Variants in UGGT1 observed in about 807,000 individuals in gnomAD.
The protein encoded by UGGT1 is UDP-glucose glycoprotein glucosyltransferase 1.
Under a neutral mutation model 203.9 loss-of-function variants are expected in UGGT1, and 107 were observed. The ratio of observed to expected loss-of-function variants is 0.52; its 90% CI spans 0.45 to 0.62. UGGT1 has a LOEUF of 0.62. UGGT1 is among the 20% of genes least tolerant of loss of function. UGGT1 has a pLI of 0.00. For synonymous variants in UGGT1, 628 were observed against 653.5 expected (o/e 0.96, Z 0.59); for missense variants, 1,673 against 1,867.2 (o/e 0.90, Z 1.92).
At chr2:128,128,803 TAAGA>T (rs1324758411) in intron 12 of UGGT1, among the ~76,000 whole-genome samples, 2 of 152,240 alleles carry the variant, frequency 1.3e-5, no homozygotes, top group African/African-American at 4.8e-5. Flanking sequence ...TATGCAGTTA[TAAGA>T]AAGAATACAG....
chr2:128,105,576 G>A (rs570640747), intron 3 of UGGT1, among the ~76,000 whole-genome samples: 16 of 151,882 alleles, frequency 1.1e-4, no homozygotes, highest in Non-Finnish European at 7.4e-5. Flanking sequence ...GTGCAGTGGC[G>A]CGATCTCGAC....
At chr2:128,129,279 T>C (rs1332157571) in intron 13 of UGGT1, 100 bp downstream of exon 13, 16 of 1,357,480 alleles carry the variant, frequency 1.2e-5, no homozygotes, top group South Asian at 1.5e-5. Flanking sequence ...TCCCACCATC[T>C]CTTTTGTTGG....
In UGGT1 at chr2:128,173,905, C is replaced by T. The variant is rs764168373; in HGVS notation, c.3419C>T (p.Pro1140Leu). 9.9e-6 allele frequency: 16 copies of T among 1,614,120 alleles called. No individual in the cohort carries two copies. Among genetic ancestry groups the T allele is most frequent in the Non-Finnish European group, 1.2e-5 (14 of 1,180,014 alleles). ...LQFTLGTSAN[P>L]VIVDTIVMAN... is the part of the protein sequence containing the mutation. ...TTTACCTTAGGAACTTCAGCCAACCCGGTCATTGTGGACACCATTGTTATG... is the reference window on the plus strand; with the variant it reads ...TTTACCTTAGGAACTTCAGCCAACCTGGTCATTGTGGACACCATTGTTATG... The change falls in exon 30 of 41, where the codon CCG becomes CTG. Residue 1140 changes from proline (P) to leucine (L), a missense_variant. Pro to Leu is a moderately conservative substitution (Grantham distance 98). This residue lies in a region of UGGT1 where 513 missense variants were observed against 684.1 expected (regional missense o/e 0.75). Coordinates refer to ENST00000259253, the MANE Select transcript of UGGT1 (RefSeq NM_020120.4).
chr2:128,157,174 A>C (rs75728899), intron 21 of UGGT1, 78 bp from the exon 22 acceptor site: 58 of 1,013,208 alleles, frequency 5.7e-5, no homozygotes, highest in Non-Finnish European at 8.3e-5. Context: ...TTATTTGGTC[A>C]ATTTCATTTT....
At chr2:128,179,259 T>C (rs1691562785) in intron 34 of UGGT1, among the ~76,000 whole-genome samples, 3 of 152,214 alleles carry the variant, frequency 2.0e-5, no homozygotes, top group Admixed American at 2.0e-4. Flanking sequence ...GTGACAATAA[T>C]AACAACCGAA....
At chr2:128,107,114 A>C (rs1687643262) in intron 3 of UGGT1, among the ~76,000 whole-genome samples, 1 of 152,100 alleles carries the variant, frequency 6.6e-6, no homozygotes, top group South Asian at 2.1e-4. Flanking sequence ...CCTGCTTTTT[A>C]TAACATTTTA....
chr2:128,117,585 C>T (rs1445018748), intron 8 of UGGT1, among the ~76,000 whole-genome samples: 1 of 140,878 alleles, frequency 7.1e-6, no homozygotes, highest in African/African-American at 2.6e-5. Flanking sequence ...GCTCTGTTGC[C>T]TAGGCTGGAG....
chr2:128,111,415 G>A (rs1490281688), intron 5 of UGGT1, among the ~76,000 whole-genome samples: 1 of 152,202 alleles, frequency 6.6e-6, no homozygotes, highest in African/African-American at 2.4e-5. Context: ...AAATAGTAGA[G>A]GAGATAGACT....
Position 128,189,740 on chromosome 2 carries a change from T to C in UGGT1, c.4666T>C (p.Ter1556ArgextTer20), listed in dbSNP as rs1692162962. 1.9e-6 allele frequency: 3 copies of C among 1,613,008 alleles called. No individual in the cohort carries two copies. Among genetic ancestry groups the C allele is most frequent in the South Asian group, 1.1e-5 (1 of 90,838 alleles). The change falls in exon 41 of 41, where the codon TGA (stop) becomes CGA (arginine). Residue 1556 changes from the stop codon to arginine (R), a stop_lost. Coordinates refer to ENST00000259253, the MANE Select transcript of UGGT1 (RefSeq NM_020120.4). ...REGPQKREEL* is the reference protein window; with the variant it reads ...REGPQKREELR ...AGGTCCTCAGAAACGTGAAGAATTA[T>C]GATCTCTGGAGAAGGACAGGAAATC...
intron 1 of UGGT1, among the ~76,000 whole-genome samples, chr2:128,092,150 T>G (rs1031787413): frequency 1.3e-5 from 2 of 152,122 alleles, no homozygotes; most frequent in Non-Finnish European, 2.9e-5. Flanking sequence ...CCTTCAAGAA[T>G]CTTACACTTG....
chr2:128,152,836 ATGT>A lies in UGGT1; in HGVS notation c.2074_2076del (p.Val692del). The A allele has an allele frequency of 2.5e-6, 4 of 1,613,830 alleles. No homozygotes were observed. The highest frequency in any genetic ancestry group is 3.4e-6 in the Non-Finnish European group (4 of 1,179,922). On this transcript the variant is annotated inframe_deletion, in exon 19 of 41. Coordinates refer to ENST00000259253, the MANE Select transcript of UGGT1 (RefSeq NM_020120.4). ...GTAGAGTATATCATGAATCAGCCAA[ATGT>A]TGTTCCACGAATCAATTCTAGGATT...
intron 4 of UGGT1, among the ~76,000 whole-genome samples, chr2:128,108,346 G>C (rs757881058): frequency 5.9e-5 from 9 of 152,142 alleles, no homozygotes; most frequent in Non-Finnish European, 1.0e-4. Context: ...AAACCAATGA[G>C]CCAGCATCTA....
rs1692181773 is a variant in UGGT1, at chr2:128,190,083, C to G, written c.*341C>G. 4.7e-6 allele frequency: 1 copy of G among 211,424 alleles called. No individual in the cohort carries two copies. The highest frequency in any genetic ancestry group is 9.6e-6 in the Non-Finnish European group (1 of 104,230). 13.1% of individuals were successfully genotyped at this position (211,424 alleles called of 1,614,324 possible). A position where few individuals can be genotyped will look rare whatever the true frequency, so the allele number is the denominator to read the frequency against. ...CAAGAGCACACACATGCTGCACTGT[C>G]TCGGAAAGCAGGGCCAGCTAGAGCC... On this transcript the variant is annotated 3_prime_UTR_variant, in exon 41 of 41. Coordinates refer to ENST00000259253, the MANE Select transcript of UGGT1 (RefSeq NM_020120.4).
chr2:128,123,086 C>G lies in UGGT1; in HGVS notation c.1074-100C>G, dbSNP rs140644487. On this transcript the variant is annotated intron_variant, in intron 10 of 40. Coordinates refer to ENST00000259253, the MANE Select transcript of UGGT1 (RefSeq NM_020120.4). ...TAAGGTTTTTCCCATTCAGTTTTTTCTAATTTATTGAATAATGTGTTTCAT... is the reference window on the plus strand; with the variant it reads ...TAAGGTTTTTCCCATTCAGTTTTTTGTAATTTATTGAATAATGTGTTTCAT... The G allele has an allele frequency of 1.6e-4, 138 of 874,656 alleles. 1 individual carries two copies. The highest frequency in any genetic ancestry group is 2.2e-4 in the Non-Finnish European group (132 of 603,560). The allele number at this position is 874,656 out of a possible 1,614,324, so 54.2% of individuals were successfully genotyped here. A position where few individuals can be genotyped will look rare whatever the true frequency, so the allele number is the denominator to read the frequency against.
chr2:128,183,135 G>T (rs1558829252), intron 37 of UGGT1, among the ~76,000 whole-genome samples: 1 of 152,200 alleles, frequency 6.6e-6, no homozygotes, highest in Non-Finnish European at 1.5e-5. Flanking sequence ...AACAGTGTGT[G>T]TGTTGTTACA....
In UGGT1 at chr2:128,180,390, A is replaced by G. The variant is rs558583748; in HGVS notation, c.3901-500A>G. ...TACTAAGTGACTTTTAATATATTCA[A>G]TAACCATTCTCCTTGATAAGCACTT... is the stretch of plus-strand genomic sequence containing the variant. On this transcript the variant is annotated intron_variant, in intron 35 of 40. Transcript: ENST00000259253. Among the ~76,000 whole-genome samples the G allele has an allele frequency of 5.3e-5, 8 of 152,346 alleles. No individual in the cohort carries two copies. The East Asian group carries it at 7.7e-4, about 15-fold the overall frequency.
chr2:128,178,378 G>A (rs1171730883), intron 33 of UGGT1, 90 bp from the exon 34 acceptor site: 1 of 1,093,146 alleles, frequency 9.1e-7, no homozygotes, highest in East Asian at 2.4e-5. Context: ...AGGGAAGGAT[G>A]GGAAGCGCAG....
chr2:128,174,842 A>G lies in UGGT1; in HGVS notation c.3523A>G (p.Ile1175Val). Reference sequence around the variant, plus strand: ...ACTTAGGAAGGGACGCTCTGAAGATATTTATAGAATTTACAGGTAGGAGTA... The same window carrying G: ...ACTTAGGAAGGGACGCTCTGAAGATGTTTATAGAATTTACAGGTAGGAGTA... ...LRLRKGRSED[I>V]YRIYSHDGTD... Residue 1175 changes from isoleucine to valine, a missense_variant, in exon 31 of 41, where the codon ATT becomes GTT. Physicochemically the swap from Ile to Val is conservative, Grantham distance 29. This residue lies in a region of UGGT1 where 513 missense variants were observed against 684.1 expected (regional missense o/e 0.75). Coordinates refer to ENST00000259253, the MANE Select transcript of UGGT1 (RefSeq NM_020120.4). 7 of 1,612,808 alleles carry G rather than the reference A, an allele frequency of 4.3e-6. No individual in the cohort carries two copies. Among genetic ancestry groups the G allele is most frequent in the Non-Finnish European group, 5.9e-6 (7 of 1,179,450 alleles).
chr2:128,120,030 G>T (rs546231090), intron 8 of UGGT1, among the ~76,000 whole-genome samples: 3 of 151,692 alleles, frequency 2.0e-5, no homozygotes, highest in Non-Finnish European at 2.9e-5. Context: ...TCCTGCCTTG[G>T]CCTCCTCAGT....
Sources: gnomAD v4.1 joint callset for allele counts (sites outside exome capture counted in the v4.1 genomes callset) on GRCh38, gnomAD v4.1.1 for gene constraint, gnomAD v4.1.1 regional missense constraint, MANE v1.5 for transcripts, NCBI Gene and HGNC (gene_info 2026-07-23, HGNC 2026-07-21) for gene names.